Variants in RNF212 observed in about 807,000 individuals in gnomAD.
RNF212 encodes the protein probable E3 SUMO-protein ligase RNF212.
Under a neutral mutation model 34.7 loss-of-function variants are expected in RNF212, and 33 were observed. The ratio of observed to expected loss-of-function variants is 0.95; its 90% CI spans 0.72 to 1.27. The LOEUF is 1.27. Among genes scored for constraint, RNF212 ranks in the 50% most tolerant of loss-of-function variants. The pLI is 0.00. For synonymous variants in RNF212, 140 were observed against 136.1 expected, an observed-to-expected ratio of 1.03 and a Z score of -0.20; for missense variants, 377 against 362.2, an observed-to-expected ratio of 1.04 and a Z score of -0.33.
intron 7 of RNF212, among the ~76,000 whole-genome samples, chr4:1,080,957 G>A (rs368575545): frequency 6.6e-6 from 1 of 152,250 alleles, no homozygotes; most frequent in East Asian, 1.9e-4. Flanking sequence ...GCAGACACAA[G>A]CCACAGGACA....
intron 1 of RNF212, among the ~76,000 whole-genome samples, chr4:1,111,245 T>G (rs1467420368): frequency 6.6e-6 from 1 of 152,042 alleles, no homozygotes; most frequent in Non-Finnish European, 1.5e-5. Flanking sequence ...AACAAGATAG[T>G]CTCTTCTAGT....
At chr4:1,099,210 T>C (rs1723537635) in intron 2 of RNF212, among the ~76,000 whole-genome samples, 1 of 152,232 alleles carries the variant, frequency 6.6e-6, no homozygotes, top group Non-Finnish European at 1.5e-5. Flanking sequence ...AGTGCTAAGA[T>C]GCATTCACTT....
chr4:1,083,168 C>T (rs1004365406), intron 5 of RNF212, among the ~76,000 whole-genome samples: 1 of 152,082 alleles, frequency 6.6e-6, no homozygotes, highest in South Asian at 2.1e-4. Flanking sequence ...CTCCCTCCAG[C>T]GAGAGTGGAA....
At chr4:1,098,830 C>T (rs774105052) in intron 2 of RNF212, among the ~76,000 whole-genome samples, 22 of 152,150 alleles carry the variant, frequency 1.4e-4, no homozygotes, top group Middle Eastern at 3.2e-3. Flanking sequence ...CATGTGAGTG[C>T]GCAGGGAGCG....
At chr4:1,096,596 G>A in intron 3 of RNF212, 169 bp downstream of exon 3, 1 of 659,302 alleles carries the variant, frequency 1.5e-6, no homozygotes, top group Non-Finnish European at 2.7e-6. Flanking sequence ...ATGGTCTCGG[G>A]ATAGTGCACC....
chr4:1,077,121 G>C (rs547506477), intron 8 of RNF212, among the ~76,000 whole-genome samples: 152 of 152,240 alleles, frequency 1.0e-3, no homozygotes, highest in Non-Finnish European at 1.9e-3. Flanking sequence ...CCAGCTACTC[G>C]GGAGGCTGAG....
intron 8 of RNF212, among the ~76,000 whole-genome samples, chr4:1,078,545 T>C (rs1205248434): frequency 6.6e-6 from 1 of 152,362 alleles, no homozygotes; most frequent in South Asian, 2.1e-4. Context: ...CCCAGAGTCC[T>C]TGGCTTTTCT....
Position 1,096,799 on chromosome 4 carries a change from C to A in RNF212, c.212G>T (p.Ser71Ile). The A allele has an allele frequency of 6.2e-7, 1 of 1,613,886 alleles. No individual in the cohort carries two copies. The highest frequency in any genetic ancestry group is 8.5e-7 in the Non-Finnish European group (1 of 1,179,682). ...DIQAFFMSID[S>I]LCKKYSRETS... ...TTCCCTGGAGTACTTCTTACACAGA[C>A]TGTCTATGCTCATGAAGAATGCCTG... Residue 71 changes from serine to isoleucine, a missense_variant, in exon 3 of 10, where the codon AGT becomes ATT. Coordinates refer to ENST00000433731, the MANE Select transcript of RNF212 (RefSeq NM_001131034.4).
intron 3 of RNF212, among the ~76,000 whole-genome samples, chr4:1,061,080 C>T (rs4690213): frequency 0.8 from 121,210 of 152,248 alleles, 48,735 homozygotes; most frequent in African/African-American, 0.89. Flanking sequence ...GAAATCAGAA[C>T]ACACTGACTC....
Position 1,061,404 on chromosome 4 carries a change from C to A in RNF212, n.148-3011G>T, listed in dbSNP as rs181665370. Among the ~76,000 whole-genome samples, 7 of 152,258 alleles carry A rather than the reference C, an allele frequency of 4.6e-5. No individual in the cohort carries two copies. In the East Asian group the frequency reaches 5.8e-4, roughly 13 times the overall value. On this transcript the variant is annotated intron_variant and non_coding_transcript_variant, in intron 3 of 4. Coordinates refer to the RNF212 transcript ENST00000503206. The stretch of plus-strand genomic sequence containing the variant: ...CCTGGCTGGGGAGGGGTAAGGAGGG[C>A]AGGGACCAGTCAGAAAAATAACGGG...
chr4:1,113,509 C>A lies in RNF212; in HGVS notation c.-45G>T. Reference sequence around the variant, plus strand: ...CGGCGAGGCCGGGCCCACGCGAAGCCCACGCAAGGTTGGGACCAGCCTCCC... The same window carrying A: ...CGGCGAGGCCGGGCCCACGCGAAGCACACGCAAGGTTGGGACCAGCCTCCC... On this transcript the variant is annotated 5_prime_UTR_variant, in exon 1 of 10. Coordinates refer to ENST00000433731, the MANE Select transcript of RNF212 (RefSeq NM_001131034.4). The A allele has an allele frequency of 4.5e-6, 7 of 1,542,156 alleles. No individual in the cohort carries two copies. Among genetic ancestry groups the A allele is most frequent in the Non-Finnish European group, 6.2e-6 (7 of 1,125,994 alleles).
At chr4:1,088,304 A>G (rs1215021797) in intron 4 of RNF212, among the ~76,000 whole-genome samples, 3 of 152,198 alleles carry the variant, frequency 2.0e-5, no homozygotes, top group Non-Finnish European at 4.4e-5. Flanking sequence ...GACTGGAGGC[A>G]TTTTGCTCCT....
Position 1,108,409 on chromosome 4 carries a change from A to T in RNF212, c.110-5T>A, listed in dbSNP as rs1295458108. 15 of 1,455,644 alleles carry T rather than the reference A, an allele frequency of 1.0e-5. No homozygotes were observed. Among genetic ancestry groups the T allele is most frequent in the Middle Eastern group, 1.8e-4 (1 of 5,602 alleles). 90.2% of individuals were successfully genotyped at this position (1,455,644 alleles called of 1,614,324 possible). On this transcript the variant is annotated splice_region_variant and splice_polypyrimidine_tract_variant and intron_variant, in intron 1 of 9. Coordinates refer to ENST00000433731, the MANE Select transcript of RNF212 (RefSeq NM_001131034.4). ...TCAAGCATTCATTCTTTTTACCTATAAAATAAAAATAGGCTTTATTATATT... is the reference window on the plus strand; with the variant it reads ...TCAAGCATTCATTCTTTTTACCTATTAAATAAAAATAGGCTTTATTATATT...
At chr4:1,069,863 C>T (rs1185780278), downstream of RNF212, among the ~76,000 whole-genome samples, 1 of 152,254 alleles carries the variant, frequency 6.6e-6, no homozygotes, top group East Asian at 1.9e-4. Context: ...GATGTTACAG[C>T]TGGATGTAGC....
At chr4:1,056,738 G>T in intron 4 of RNF212, 1 of 644,998 alleles carries the variant, frequency 1.6e-6, no homozygotes, top group Non-Finnish European at 1.9e-6. Context: ...AGAACGTTTA[G>T]AGCTCCATGG....
chr4:1,091,132 T>C (rs28588234), intron 3 of RNF212, among the ~76,000 whole-genome samples: 28,160 of 152,178 alleles, frequency 0.19, 4,235 homozygotes, highest in African/African-American at 0.42. Context: ...CCTCTGATAA[T>C]GGCTACTGGT....
At chr4:1,092,441 C>T (rs1312308091) in intron 3 of RNF212, among the ~76,000 whole-genome samples, 3 of 152,136 alleles carry the variant, frequency 2.0e-5, no homozygotes, top group African/African-American at 7.2e-5. Context: ...AGGGTCTACA[C>T]CAGCCTCCAG....
At chr4:1,093,756 A>T (rs890003145) in intron 3 of RNF212, 2 of 1,536,002 alleles carry the variant, frequency 1.3e-6, no homozygotes, top group East Asian at 2.4e-5. Flanking sequence ...CCCCAAGGGG[A>T]CTTGGTGTGA....
intron 2 of RNF212, among the ~76,000 whole-genome samples, chr4:1,107,061 T>C (rs934845135): frequency 2.0e-5 from 3 of 152,208 alleles, no homozygotes; most frequent in Admixed American, 2.0e-4. Context: ...ATACCATTTT[T>C]TTTTTTTTTA....
Sources: gnomAD v4.1 joint callset for allele counts (sites outside exome capture counted in the v4.1 genomes callset) on GRCh38, gnomAD v4.1.1 for gene constraint, MANE v1.5 for transcripts, NCBI Gene and HGNC (gene_info 2026-07-23, HGNC 2026-07-21) for gene names.